VSIG2: variants seen among roughly 807,000 people sequenced by gnomAD.
VSIG2 encodes the protein V-set and immunoglobulin domain-containing protein 2.
In VSIG2, 30 loss-of-function variants were observed where a neutral mutation model predicts 29.4. The observed-to-expected ratio is 1.02, with a 90% CI of 0.76 to 1.38. The LOEUF (loss-of-function observed/expected upper bound fraction) is 1.38, where lower values mean the gene tolerates loss of function less well. Ranked by LOEUF, VSIG2 falls within the 40% of genes most tolerant of loss-of-function variation. The probability of loss-of-function intolerance (pLI) is 0.00; values close to 1 mark genes in which losing one functional copy is unlikely to be tolerated. For missense variants in VSIG2, 421 were observed against 400.8 expected (o/e 1.05, Z -0.43); for synonymous variants, 178 against 174.2 (o/e 1.02, Z -0.17).
rs1369858765 is a variant in VSIG2, at chr11:124,752,182, C to T, written c.-45G>A. The stretch of plus-strand genomic sequence containing the variant: ...GTCCTGCTCCTGCCAGGTGGGCGGT[C>T]AAGGTCGGTCTGGGTGTCGGGCAGG... On this transcript the variant is annotated 5_prime_UTR_variant, in exon 1 of 7. Coordinates refer to ENST00000326621, the MANE Select transcript of VSIG2 (RefSeq NM_014312.5). 2 of 1,515,290 alleles carry T rather than the reference C, an allele frequency of 1.3e-6. No homozygotes were observed. The highest frequency in any genetic ancestry group is 4.8e-5 in the East Asian group (2 of 41,266). 93.9% of individuals were successfully genotyped at this position (1,515,290 alleles called of 1,614,324 possible).
At chr11:124,749,617 G>A in intron 4 of VSIG2, 91 bp downstream of exon 4, 1 of 1,507,954 alleles carries the variant, frequency 6.6e-7, no homozygotes, top group South Asian at 1.3e-5. Context: ...CATACCCCTA[G>A]TCATGGAACG....
At position 124,752,018 on chromosome 11, in the gene VSIG2, G is replaced by C. The variant is rs1343924474; in HGVS notation, c.61+59C>G. ...GGGGACAGAGTGGGTCCGAGGAGCC[G>C]GGGAAGCCAGGCCTATGCCCCCCAG... is the stretch of plus-strand genomic sequence containing the variant. On this transcript the variant is annotated intron_variant, in intron 1 of 6. Coordinates refer to ENST00000326621, the MANE Select transcript of VSIG2 (RefSeq NM_014312.5). The C allele has an allele frequency of 3.3e-6, 5 of 1,493,370 alleles. No individual in the cohort carries two copies. In the East Asian group the frequency reaches 1.2e-4, roughly 36 times the overall value. 92.5% of individuals were successfully genotyped at this position (1,493,370 alleles called of 1,614,324 possible).
rs529395996 is a variant in VSIG2 at position 124,752,060 on chromosome 11, G to A, written c.61+17C>T. ...GCCCCCCAGCCCTCGCCGTGGTCCC[G>A]CCCGGCCCCTCCTCACCACTCAGGC... On this transcript the variant is annotated intron_variant, in intron 1 of 6. Coordinates refer to ENST00000326621, the MANE Select transcript of VSIG2 (RefSeq NM_014312.5). 7 of 1,596,232 alleles carry A rather than the reference G, an allele frequency of 4.4e-6. No individual in the cohort carries two copies. Among genetic ancestry groups the A allele is most frequent in the Non-Finnish European group, 5.1e-6 (6 of 1,174,782 alleles).
chr11:124,749,553 G>A (rs1944055548), intron 4 of VSIG2, among the ~76,000 whole-genome samples, 155 bp downstream of exon 4: 1 of 152,130 alleles, frequency 6.6e-6, no homozygotes, highest in Non-Finnish European at 1.5e-5. Context: ...ACAGGCAGGA[G>A]GGAACAATAC....
chr11:124,752,041 C>T (rs562231493), intron 1 of VSIG2, 36 bp downstream of exon 1: 8 of 1,565,198 alleles, frequency 5.1e-6, no homozygotes, highest in Non-Finnish European at 5.2e-6. Context: ...CTATGCCCCC[C>T]AGCCCTCGCC....
chr11:124,750,577 G>A (rs1374288558), intron 3 of VSIG2, 137 bp downstream of exon 3: 1 of 796,736 alleles, frequency 1.3e-6, no homozygotes, highest in African/African-American at 1.7e-5. Context: ...CTTGGAAAGG[G>A]AGTATTTTCA....
Position 124,750,728 on chromosome 11 carries a change from T to C in VSIG2, c.413A>G (p.Asn138Ser), listed in dbSNP as rs879432533. 5.0e-6 allele frequency: 8 copies of C among 1,613,794 alleles called. No homozygotes were observed. Among genetic ancestry groups the C allele is most frequent in the Admixed American group, 3.3e-5 (2 of 59,996 alleles). ...DFYTNGLGLI[N>S]LTVLVPPSNP... is the part of the protein sequence containing the mutation. ...GTCTGCCTTACCCAGCACAGTAAGGTTGATTAGCCCCAACCCATTGGTGTA... is the reference window on the plus strand; with the variant it reads ...GTCTGCCTTACCCAGCACAGTAAGGCTGATTAGCCCCAACCCATTGGTGTA... Residue 138 changes from asparagine to serine, a missense_variant, in exon 3 of 7, where the codon AAC (asparagine) becomes AGC (serine). Coordinates refer to ENST00000326621, the MANE Select transcript of VSIG2 (RefSeq NM_014312.5).
rs770672794 is a variant in VSIG2, at chr11:124,748,727, G to A, written c.623C>T (p.Ser208Phe). 1.2e-6 allele frequency: 2 copies of A among 1,614,116 alleles called. No individual in the cohort carries two copies. The highest frequency in any genetic ancestry group is 1.7e-6 in the Non-Finnish European group (2 of 1,180,054). The change falls in exon 5 of 7, where the codon TCC becomes TTC. Residue 208 changes from serine to phenylalanine, a missense_variant. Coordinates refer to ENST00000326621, the MANE Select transcript of VSIG2 (RefSeq NM_014312.5). ...VSGQLILTNL[S>F]LTSSGTYRCV... ...GCGGTAGGTGCCCGAGGAGGTCAGG[G>A]AGAGGTTGGTGAGAATGAGCTGGCC...
Position 124,751,496 on chromosome 11 carries a change from G to A in VSIG2, c.146C>T (p.Thr49Met), listed in dbSNP as rs747958171. 47 of 1,612,966 alleles carry A rather than the reference G, an allele frequency of 2.9e-5. No individual in the cohort carries two copies. The highest frequency in any genetic ancestry group is 6.7e-5 in the Admixed American group (4 of 60,008). The change falls in exon 2 of 7, where the codon ACG becomes ATG. Residue 49 changes from threonine to methionine, a missense_variant. By Grantham distance (81) the Thr-to-Met change is moderately conservative (BLOSUM62 -1). Coordinates refer to ENST00000326621, the MANE Select transcript of VSIG2 (RefSeq NM_014312.5). The part of the protein sequence containing the change: ...KTAELTCTYS[T>M]SVGDSFALEW... ...CAGGGCGAAGCTGTCTCCCACCGAC[G>A]TGCTGTAGGTGCAGGTCAGCTCGGC... is the stretch of plus-strand genomic sequence containing the variant.
chr11:124,750,685 G>T lies in VSIG2; in HGVS notation c.427+29C>A, dbSNP rs371640482. ...ACGCCCCAAGTATGTGAAAGAGTATGTGGCTCGTGGATCCCCAGTCTGCCT... is the reference window on the plus strand; with the variant it reads ...ACGCCCCAAGTATGTGAAAGAGTATTTGGCTCGTGGATCCCCAGTCTGCCT... On this transcript the variant is annotated intron_variant, in intron 3 of 6. Transcript: ENST00000326621. The T allele has an allele frequency of 5.6e-6, 9 of 1,607,378 alleles. No homozygotes were observed. In the African/African-American group the frequency reaches 1.2e-4, roughly 21 times the overall value.
chr11:124,750,202 T>G (rs1398156331), intron 3 of VSIG2, among the ~76,000 whole-genome samples: 1 of 152,232 alleles, frequency 6.6e-6, no homozygotes, highest in Non-Finnish European at 1.5e-5. Flanking sequence ...CCAGCAGTAA[T>G]ACACCCATCC....
At chr11:124,751,042 C>T (rs1199145000) in intron 2 of VSIG2, 121 bp from the exon 3 acceptor site, 1 of 1,038,218 alleles carries the variant, frequency 9.6e-7, no homozygotes, top group Non-Finnish European at 1.4e-6. Context: ...GAGGCTGATA[C>T]CCTTAAGCTG....
chr11:124,749,125 T>G (rs1373709669), intron 4 of VSIG2, among the ~76,000 whole-genome samples: 1 of 152,196 alleles, frequency 6.6e-6, no homozygotes, highest in African/African-American at 2.4e-5. Flanking sequence ...AACTGCATCC[T>G]GTAGGGTGGC....
At chr11:124,750,062 T>A (rs1406722267) in intron 3 of VSIG2, among the ~76,000 whole-genome samples, 196 bp from the exon 4 acceptor site, 2 of 152,088 alleles carry the variant, frequency 1.3e-5, no homozygotes, top group African/African-American at 4.8e-5. Context: ...TTAGAGAAAA[T>A]TCTTCTTCAT....
chr11:124,751,663 G>A, intron 1 of VSIG2, 83 bp from the exon 2 acceptor site: 1 of 1,391,830 alleles, frequency 7.2e-7, no homozygotes, highest in Non-Finnish European at 9.5e-7. Flanking sequence ...ATCTATATTG[G>A]AAGCTGGGGG....
At chr11:124,751,127 C>G (rs188391061) in intron 2 of VSIG2, among the ~76,000 whole-genome samples, 4 of 151,710 alleles carry the variant, frequency 2.6e-5, no homozygotes, top group Non-Finnish European at 5.9e-5. Context: ...ATTGGTCTCT[C>G]TCTCTCTCTC....
In VSIG2 at chr11:124,751,410, G is replaced by C. The variant is rs751652199; in HGVS notation, c.219+13C>G. ...CAGGCCAACCCAGCTTCATGCAGTC[G>C]CTCTCAGCTCACTGGATGGGACTCA... On this transcript the variant is annotated intron_variant, in intron 2 of 6. Transcript: ENST00000326621. 6.2e-7 allele frequency: 1 copy of C among 1,610,108 alleles called. No homozygotes were observed. Among genetic ancestry groups the C allele is most frequent in the East Asian group, 2.2e-5 (1 of 44,862 alleles).
In VSIG2 at chr11:124,748,715, G is replaced by A. The variant is rs755573271; in HGVS notation, c.635C>T (p.Ser212Leu). The A allele has an allele frequency of 1.4e-5, 23 of 1,614,078 alleles. 1 individual carries two copies. The highest frequency in any genetic ancestry group is 8.8e-5 in the South Asian group (8 of 91,076). Residue 212 changes from serine (S) to leucine (L), a missense_variant, in exon 5 of 7, where the codon TCG becomes TTG. Transcript: ENST00000326621. ...LILTNLSLTS[S>L]GTYRCVATNQ... Reference sequence around the variant, plus strand: ...GGTGGCCACACAGCGGTAGGTGCCCGAGGAGGTCAGGGAGAGGTTGGTGAG... The same window carrying A: ...GGTGGCCACACAGCGGTAGGTGCCCAAGGAGGTCAGGGAGAGGTTGGTGAG...
chr11:124,749,856 A>G lies in VSIG2; in HGVS notation c.438T>C (p.Ser146=), dbSNP rs764670953. ...GTCCACTCTGACTGCATAAGGGATT[A>G]CTGGGGGGAACTGCAAAAAAAAAAA... is the stretch of plus-strand genomic sequence containing the variant. ...LINLTVLVPP[S]NPLCSQSGQT... Residue 146 remains serine (S), a synonymous_variant, in exon 4 of 7, where the codon AGT becomes AGC. Transcript: ENST00000326621. The G allele has an allele frequency of 3.0e-6, 3 of 988,146 alleles. No individual in the cohort carries two copies. The highest frequency in any genetic ancestry group is 4.3e-6 in the Non-Finnish European group (3 of 689,786). 61.2% of individuals were successfully genotyped at this position (988,146 alleles called of 1,614,324 possible).
Sources: gnomAD v4.1 joint callset for allele counts (sites outside exome capture counted in the v4.1 genomes callset) on GRCh38, gnomAD v4.1.1 for gene constraint, MANE v1.5 for transcripts, NCBI Gene and HGNC (gene_info 2026-07-23, HGNC 2026-07-21) for gene names.